Variants in IPCEF1 observed in about 807,000 individuals in gnomAD.
The protein encoded by IPCEF1 is interactor protein for cytohesin exchange factors 1.
In IPCEF1, 31 loss-of-function variants were observed where a neutral mutation model predicts 50.9. The observed-to-expected ratio is 0.61, with a 90% CI of 0.46 to 0.82. The LOEUF (loss-of-function observed/expected upper bound fraction) is 0.82. Among genes scored for constraint, IPCEF1 ranks in the 40% least tolerant of loss-of-function variants. The pLI is 0.00. For synonymous variants in IPCEF1, 181 were observed against 192.0 expected (o/e 0.94, Z 0.47); for missense variants, 458 against 514.0 (o/e 0.89, Z 1.05).
At chr6:154,339,668 C>T (rs1783863074) in intron 1 of IPCEF1, among the ~76,000 whole-genome samples, 1 of 152,118 alleles carries the variant, frequency 6.6e-6, no homozygotes, top group South Asian at 2.1e-4. Flanking sequence ...CAGCTCACTG[C>T]AGTCTCAAAC....
chr6:154,250,688 T>C (rs1001508439), intron 3 of IPCEF1, among the ~76,000 whole-genome samples: 3 of 152,230 alleles, frequency 2.0e-5, no homozygotes, highest in Admixed American at 6.5e-5. Context: ...ATAATCCATA[T>C]AGTAGTTGTT....
At chr6:154,228,872 G>C (rs970497717) in intron 5 of IPCEF1, among the ~76,000 whole-genome samples, 3 of 152,226 alleles carry the variant, frequency 2.0e-5, no homozygotes, top group Admixed American at 2.0e-4. Flanking sequence ...CTGGGCTACA[G>C]AGTGAGACCC....
At chr6:154,220,313 A>C (rs1452902971) in intron 7 of IPCEF1, among the ~76,000 whole-genome samples, 2 of 152,182 alleles carry the variant, frequency 1.3e-5, no homozygotes, top group Admixed American at 1.3e-4. Flanking sequence ...TAAATCAAAG[A>C]GAATGCCCTC....
At chr6:154,247,609 TC>T in intron 3 of IPCEF1, 121 bp from the exon 4 acceptor site, 1 of 743,170 alleles carries the variant, frequency 1.3e-6, no homozygotes, top group Non-Finnish European at 2.2e-6. Context: ...AAAAAAACTC[TC>T]CAGGCAGAGC....
At chr6:154,317,152 G>A (rs904057947) in intron 1 of IPCEF1, among the ~76,000 whole-genome samples, 7 of 152,116 alleles carry the variant, frequency 4.6e-5, no homozygotes, top group Non-Finnish European at 7.3e-5. Flanking sequence ...GCCACAAGCT[G>A]GGAGAAAATA....
At chr6:154,279,800 A>G (rs542142056) in intron 2 of IPCEF1, among the ~76,000 whole-genome samples, 2 of 152,344 alleles carry the variant, frequency 1.3e-5, no homozygotes, top group Admixed American at 6.5e-5. Flanking sequence ...ATCTATAAAG[A>G]ACTCCCATGA....
chr6:154,156,336 C>G lies in IPCEF1; in HGVS notation c.*3492G>C, dbSNP rs1196866654. On this transcript the variant is annotated 3_prime_UTR_variant, in exon 12 of 12. Coordinates refer to ENST00000367220, the MANE Select transcript of IPCEF1 (RefSeq NM_001130700.2). Reference sequence around the variant, plus strand: ...GCCCAGTGCAATGAAACACACGCTCCCAGTCAAACTTCTTGGTTTCCTAGT... The same window carrying G: ...GCCCAGTGCAATGAAACACACGCTCGCAGTCAAACTTCTTGGTTTCCTAGT... The G allele has an allele frequency of 6.6e-6, 1 of 152,196 alleles. No individual in the cohort carries two copies. The highest frequency in any genetic ancestry group is 1.5e-5 in the Non-Finnish European group (1 of 68,072). 9.4% of individuals were successfully genotyped at this position (152,196 alleles called of 1,614,324 possible).
intron 8 of IPCEF1, 105 bp downstream of exon 8, chr6:154,214,113 T>G (rs1478413419): frequency 3.9e-6 from 3 of 770,666 alleles, no homozygotes; most frequent in African/African-American, 3.4e-5. Context: ...AAAGCATGTT[T>G]CCTCAGGATC....
intron 10 of IPCEF1, among the ~76,000 whole-genome samples, chr6:154,180,024 C>T (rs144884521): frequency 7.9e-5 from 12 of 152,252 alleles, no homozygotes; most frequent in African/African-American, 2.6e-4. Flanking sequence ...GCAATGCTAG[C>T]CTCAAGTCAT....
At chr6:154,322,642 G>C (rs534538123) in intron 1 of IPCEF1, among the ~76,000 whole-genome samples, 7 of 152,228 alleles carry the variant, frequency 4.6e-5, no homozygotes, top group African/African-American at 1.7e-4. Flanking sequence ...TTCAAGACCA[G>C]CCTGGCCAAC....
intron 3 of IPCEF1, among the ~76,000 whole-genome samples, chr6:154,251,151 A>G (rs192231742): frequency 7.2e-4 from 110 of 152,346 alleles, no homozygotes; most frequent in African/African-American, 2.5e-3. Context: ...CAGAAGACTA[A>G]CCACCTTAAA....
At chr6:154,164,598 T>C (rs545489266) in intron 11 of IPCEF1, among the ~76,000 whole-genome samples, 6 of 152,236 alleles carry the variant, frequency 3.9e-5, no homozygotes, top group Admixed American at 2.6e-4. Context: ...ATTCCAAAAA[T>C]ACCATGAAAG....
intron 1 of IPCEF1, among the ~76,000 whole-genome samples, chr6:154,292,495 T>C (rs1287758201): frequency 6.6e-6 from 1 of 152,228 alleles, no homozygotes; most frequent in Non-Finnish European, 1.5e-5. Context: ...TTGAATAGAA[T>C]TTTATCCAAG....
intron 10 of IPCEF1, among the ~76,000 whole-genome samples, chr6:154,177,549 C>A (rs910328016): frequency 6.6e-6 from 1 of 152,210 alleles, no homozygotes; most frequent in African/African-American, 2.4e-5. Flanking sequence ...TGCTGATCAT[C>A]ACTGGTCATC....
At chr6:154,225,540 AAATCCAGAGAGACAGAACACAGCT>A (rs1779182949) in intron 5 of IPCEF1, among the ~76,000 whole-genome samples, 2 of 152,232 alleles carry the variant, frequency 1.3e-5, no homozygotes, top group Non-Finnish European at 2.9e-5. Context: ...CCAGAAGTGG[AAATCCAGAGAGACAGAACACAGCT>A]AATTGGTAGC....
intron 1 of IPCEF1, among the ~76,000 whole-genome samples, chr6:154,354,415 A>ACAACCACCTCCACCATCT (rs1784169932): frequency 8.6e-5 from 4 of 46,700 alleles, no homozygotes; most frequent in Admixed American, 7.1e-4. Context: ...CTCCACCACC[A>ACAACCACCTCCACCATCT]CCTCCACCAC....
chr6:154,304,547 T>A (rs1221064127), intron 1 of IPCEF1, among the ~76,000 whole-genome samples: 1 of 152,156 alleles, frequency 6.6e-6, no homozygotes, highest in Admixed American at 6.5e-5. Flanking sequence ...AAAGAAGACA[T>A]CACCATTTAT....
intron 1 of IPCEF1, among the ~76,000 whole-genome samples, chr6:154,340,745 C>T (rs1254691858): frequency 2.6e-5 from 4 of 151,758 alleles, no homozygotes; most frequent in African/African-American, 7.3e-5. Flanking sequence ...ATTAGCCAGG[C>T]GTGGTGGCAC....
chr6:154,300,401 C>T (rs1321196050), intron 1 of IPCEF1, among the ~76,000 whole-genome samples: 2 of 152,132 alleles, frequency 1.3e-5, no homozygotes, highest in Non-Finnish European at 2.9e-5. Flanking sequence ...CGCTTCAGGC[C>T]AAGAGTTCCA....
Sources: gnomAD v4.1 joint callset for allele counts (sites outside exome capture counted in the v4.1 genomes callset) on GRCh38, gnomAD v4.1.1 for gene constraint, MANE v1.5 for transcripts, NCBI Gene and HGNC (gene_info 2026-07-23, HGNC 2026-07-21) for gene names.